SMCHD1: variants seen among roughly 807,000 people sequenced by gnomAD.
SMCHD1 encodes structural maintenance of chromosomes flexible hinge domain containing 1.
A neutral mutation model predicts 254.7 loss-of-function variants in SMCHD1; 78 were observed. That is an observed-to-expected ratio of 0.31 (90% confidence interval 0.26 to 0.37). The LOEUF (loss-of-function observed/expected upper bound fraction) is 0.37. Ranked by LOEUF, SMCHD1 falls within the 10% of genes least tolerant of loss-of-function variation. The pLI, the probability that SMCHD1 is intolerant of heterozygous loss-of-function variation, is 1.00. For synonymous variants in SMCHD1, 766 were observed against 794.9 expected, an observed-to-expected ratio of 0.96 and a Z score of 0.61; for missense variants, 1,840 against 2,408.1, an observed-to-expected ratio of 0.76 and a Z score of 4.94.
intron 45 of SMCHD1, among the ~76,000 whole-genome samples, chr18:2,794,981 A>T (rs1390898933): frequency 6.6e-6 from 1 of 152,210 alleles, no homozygotes; most frequent in Non-Finnish European, 1.5e-5. Flanking sequence ...TAATTTAAGA[A>T]AAGTTAAGTT....
At chr18:2,709,554 G>A (rs574878908) in intron 17 of SMCHD1, among the ~76,000 whole-genome samples, 1 of 152,104 alleles carries the variant, frequency 6.6e-6, no homozygotes, top group Non-Finnish European at 1.5e-5. Flanking sequence ...TTTTTGTGGG[G>A]GACGGATAAT....
intron 42 of SMCHD1, among the ~76,000 whole-genome samples, chr18:2,776,761 A>G (rs1181958801): frequency 6.6e-6 from 1 of 152,152 alleles, no homozygotes; most frequent in African/African-American, 2.4e-5. Flanking sequence ...AAATCTAAAA[A>G]TAGATTGAGG....
chr18:2,707,532 G>T, intron 15 of SMCHD1, 31 bp from the exon 16 acceptor site: 1 of 1,368,276 alleles, frequency 7.3e-7, no homozygotes. Flanking sequence ...AACAAAGTTT[G>T]TGGAACATTA....
chr18:2,753,128 C>G (rs2075607516), intron 34 of SMCHD1: 1 of 153,342 alleles, frequency 6.5e-6, no homozygotes, highest in African/African-American at 2.4e-5. Context: ...CACACACATG[C>G]ACACACCACA....
intron 22 of SMCHD1, among the ~76,000 whole-genome samples, chr18:2,727,573 G>C (rs1361568615): frequency 6.6e-6 from 1 of 152,048 alleles, no homozygotes; most frequent in Non-Finnish European, 1.5e-5. Flanking sequence ...ATGGTGTAGT[G>C]ATAAAAGTCA....
chr18:2,781,540 T>C (rs1461737019), intron 44 of SMCHD1, among the ~76,000 whole-genome samples: 3 of 152,176 alleles, frequency 2.0e-5, no homozygotes, highest in African/African-American at 7.2e-5. Context: ...AGTGTTAATA[T>C]TTGATTAATA....
At chr18:2,776,179 TACACACAAAGACATAAAA>T (rs1444208480) in intron 42 of SMCHD1, among the ~76,000 whole-genome samples, 6 of 152,338 alleles carry the variant, frequency 3.9e-5, no homozygotes, top group Admixed American at 1.3e-4. Flanking sequence ...ATGTAACGTA[TACACACAAAGACATAAAA>T]ACACACAAAG....
chr18:2,663,599 G>A (rs1393329326), intron 1 of SMCHD1, among the ~76,000 whole-genome samples: 2 of 152,004 alleles, frequency 1.3e-5, no homozygotes, highest in Admixed American at 6.6e-5. Context: ...TCATTCATTG[G>A]ATAGTTTATT....
chr18:2,656,288 C>A (rs776497602), intron 1 of SMCHD1, 27 bp downstream of exon 1: 25 of 1,452,874 alleles, frequency 1.7e-5, no homozygotes, highest in East Asian at 2.7e-5. Flanking sequence ...GGAAGGGATG[C>A]GCGTGTAGAC....
At chr18:2,725,399 A>G (rs1304050930) in intron 21 of SMCHD1, among the ~76,000 whole-genome samples, 1 of 151,736 alleles carries the variant, frequency 6.6e-6, no homozygotes. Flanking sequence ...TTCAGCTCAC[A>G]TCTTTAAACA....
chr18:2,696,448 T>C (rs2074287395), intron 8 of SMCHD1, among the ~76,000 whole-genome samples: 1 of 152,180 alleles, frequency 6.6e-6, no homozygotes, highest in South Asian at 2.1e-4. Flanking sequence ...TATTGCGTGC[T>C]CCTTATGAGA....
intron 45 of SMCHD1, among the ~76,000 whole-genome samples, chr18:2,789,210 T>A (rs200243057): frequency 0.42 from 62,677 of 149,762 alleles, 13,559 homozygotes; most frequent in Non-Finnish European, 0.48. Flanking sequence ...ATTATTATTT[T>A]TTTTTTTTTT....
intron 45 of SMCHD1, among the ~76,000 whole-genome samples, chr18:2,786,418 T>C (rs1014643230): frequency 4.6e-5 from 7 of 152,226 alleles, no homozygotes; most frequent in Non-Finnish European, 8.8e-5. Flanking sequence ...TAGGCTGGGC[T>C]TGGTGGCTCA....
At position 2,759,483 on chromosome 18, in the gene SMCHD1, C is replaced by A. The variant is rs996219439; in HGVS notation, c.4347-1169C>A. Reference sequence around the variant, plus strand: ...TTTAGCTTGTTAACTCTAACATTTTCAAGCAATTTTTTTTTTTTTTTGTAC... The same window carrying A: ...TTTAGCTTGTTAACTCTAACATTTTAAAGCAATTTTTTTTTTTTTTTGTAC... On this transcript the variant is annotated intron_variant, in intron 34 of 47. Transcript: ENST00000320876. 1.2e-4 allele frequency among the ~76,000 whole-genome samples: 12 copies of A among 104,180 alleles called. No individual in the cohort carries two copies. The Admixed American group carries it at 1.3e-3, about 11-fold the overall frequency. 68.3% of individuals were successfully genotyped at this position (104,180 alleles called of 152,430 possible).
At chr18:2,770,862 C>CGACT (rs2075969407) in intron 39 of SMCHD1, among the ~76,000 whole-genome samples, 1 of 152,132 alleles carries the variant, frequency 6.6e-6, no homozygotes, top group Non-Finnish European at 1.5e-5. Flanking sequence ...CTCAAGTGAT[C>CGACT]TGCCCACCTT....
chr18:2,716,591 A>G (rs1598358370), intron 17 of SMCHD1, among the ~76,000 whole-genome samples: 1 of 152,180 alleles, frequency 6.6e-6, no homozygotes, highest in South Asian at 2.1e-4. Flanking sequence ...GGCCACCCCA[A>G]CAGGGCACAA....
At chr18:2,759,876 A>G (rs2075756618) in intron 34 of SMCHD1, among the ~76,000 whole-genome samples, 1 of 152,142 alleles carries the variant, frequency 6.6e-6, no homozygotes, top group South Asian at 2.1e-4. Context: ...AGCCTTGTTT[A>G]AATTCTCAAT....
chr18:2,726,447 A>G lies in SMCHD1; in HGVS notation c.2701-5A>G, dbSNP rs746646227. On this transcript the variant is annotated splice_region_variant and splice_polypyrimidine_tract_variant and intron_variant, in intron 21 of 47. Coordinates refer to ENST00000320876, the MANE Select transcript of SMCHD1 (RefSeq NM_015295.3). ...GGTTTAATTTTTACTGTTTTTTTCC[A>G]ACAGAATTATAATCTGAAGGTTACT... is the stretch of plus-strand genomic sequence containing the variant. The G allele has an allele frequency of 2.7e-6, 4 of 1,485,580 alleles. No homozygotes were observed. The South Asian group carries it at 4.0e-5, about 15-fold the overall frequency. The allele number at this position is 1,485,580 out of a possible 1,614,324, so 92.0% of individuals were successfully genotyped here. A position where few individuals can be genotyped will look rare whatever the true frequency, so the allele number is the denominator to read the frequency against.
intron 3 of SMCHD1, among the ~76,000 whole-genome samples, chr18:2,672,601 T>C (rs1227797903): frequency 1.3e-5 from 2 of 152,248 alleles, no homozygotes; most frequent in African/African-American, 2.4e-5. Flanking sequence ...AAATTTGATA[T>C]GTTCCCTTTC....
Sources: gnomAD v4.1 joint callset for allele counts (sites outside exome capture counted in the v4.1 genomes callset) on GRCh38, gnomAD v4.1.1 for gene constraint, MANE v1.5 for transcripts, NCBI Gene and HGNC (gene_info 2026-07-23, HGNC 2026-07-21) for gene names.